The following HOGA1 variants were observed in gnomAD, a reference collection of about 807,000 sequenced individuals.
The protein encoded by HOGA1 is 4-hydroxy-2-oxoglutarate aldolase 1, also known as 4-hydroxy-2-oxoglutarate aldolase, mitochondrial.
HOGA1 carries 30 observed loss-of-function variants against 34.3 expected under a neutral mutation model. The ratio of observed to expected loss-of-function variants is 0.87; its 90% CI spans 0.65 to 1.19. The LOEUF is 1.19. Ranked by LOEUF, HOGA1 falls within the 50% of genes most tolerant of loss-of-function variation. The probability of loss-of-function intolerance (pLI) is 0.00; values close to 1 mark genes in which losing one functional copy is unlikely to be tolerated. For synonymous variants in HOGA1, 161 were observed against 174.0 expected (o/e 0.93, Z 0.59); for missense variants, 417 against 436.5 (o/e 0.96, Z 0.40).
intron 6 of HOGA1, 110 bp downstream of exon 6, chr10:97,602,100 G>A: frequency 1.9e-6 from 3 of 1,550,520 alleles, no homozygotes; most frequent in Non-Finnish European, 2.6e-6. Context: ...CTTCCTTTCA[G>A]AAAATCCTTT....
At chr10:97,597,932 AGAGT>A (rs2041083968) in intron 1 of HOGA1, among the ~76,000 whole-genome samples, 1 of 152,232 alleles carries the variant, frequency 6.6e-6, no homozygotes, top group African/African-American at 2.4e-5. Flanking sequence ...CCTGGGTGAC[AGAGT>A]GAGACCCTCA....
At chr10:97,600,334 C>A (rs1024511389) in intron 5 of HOGA1, 171 bp downstream of exon 5, 2 of 673,346 alleles carry the variant, frequency 3.0e-6, no homozygotes, top group Non-Finnish European at 2.7e-6. Flanking sequence ...TGTCTGAATT[C>A]GGGATGCTGT....
intron 6 of HOGA1, chr10:97,602,494 G>A (rs2041126978): frequency 1.0e-6 from 1 of 985,276 alleles, no homozygotes; most frequent in Non-Finnish European, 1.2e-6. Flanking sequence ...TGTTGGGCAA[G>A]CAAAGGAGAA....
chr10:97,601,780 A>C, intron 5 of HOGA1, 77 bp from the exon 6 acceptor site: 4 of 1,551,982 alleles, frequency 2.6e-6, no homozygotes, highest in Non-Finnish European at 3.6e-6. Context: ...CCCAGGCTGA[A>C]GAGGTGCTGG....
intron 1 of HOGA1, among the ~76,000 whole-genome samples, chr10:97,588,424 T>C (rs917292296): frequency 6.6e-6 from 1 of 152,110 alleles, no homozygotes; most frequent in Admixed American, 6.5e-5. Context: ...TTAGCCAGGA[T>C]GGTCTCAATC....
At chr10:97,604,298 T>A (rs2041141624) in intron 6 of HOGA1, among the ~76,000 whole-genome samples, 1 of 152,158 alleles carries the variant, frequency 6.6e-6, no homozygotes, top group East Asian at 1.9e-4. Context: ...TAGGATACCA[T>A]GGTATTGCCG....
intron 4 of HOGA1, 24 bp downstream of exon 4, chr10:97,599,838 TG>T: frequency 1.1e-5 from 18 of 1,614,156 alleles, no homozygotes; most frequent in Non-Finnish European, 1.4e-5. Flanking sequence ...GCTCCGGGGC[TG>T]GGGTCCTCTC....
At chr10:97,608,524 G>C (rs1227316576) in intron 6 of HOGA1, among the ~76,000 whole-genome samples, 1 of 151,702 alleles carries the variant, frequency 6.6e-6, no homozygotes, top group East Asian at 1.9e-4. Context: ...ACTTATTTTG[G>C]CTGGGCACGG....
At chr10:97,606,466 C>T (rs908102645) in intron 6 of HOGA1, among the ~76,000 whole-genome samples, 11 of 151,768 alleles carry the variant, frequency 7.2e-5, no homozygotes, top group Non-Finnish European at 1.5e-4. Flanking sequence ...TTTTTTTTCC[C>T]TAATGGATAT....
chr10:97,595,136 A>G (rs147681311), intron 1 of HOGA1, among the ~76,000 whole-genome samples: 23 of 152,308 alleles, frequency 1.5e-4, no homozygotes, highest in Middle Eastern at 3.4e-3. Context: ...CCCAGCTCCC[A>G]GAGCAGCAAG....
intron 1 of HOGA1, chr10:97,589,866 G>A (rs769018488): frequency 1.4e-5 from 22 of 1,562,194 alleles, no homozygotes; most frequent in Non-Finnish European, 1.8e-5. Flanking sequence ...GTGGTGCTGG[G>A]GACTGCCCTC....
chr10:97,604,613 G>A (rs1256117266), intron 6 of HOGA1, among the ~76,000 whole-genome samples: 7 of 151,218 alleles, frequency 4.6e-5, no homozygotes, highest in Non-Finnish European at 1.5e-5. Context: ...GAGCCACCAC[G>A]GCTGGCCCCC....
At chr10:97,596,708 C>CAAAAAAAAAAAAAAAAAA (rs34186645) in intron 1 of HOGA1, among the ~76,000 whole-genome samples, 1 of 89,350 alleles carries the variant, frequency 1.1e-5, no homozygotes, top group Non-Finnish European at 2.5e-5. Flanking sequence ...AAATAACTAC[C>CAAAAAAAAAAAAAAAAAA]AAAAAAAAAA....
intron 5 of HOGA1, 138 bp downstream of exon 5, chr10:97,600,301 GAA>G: frequency 1.3e-6 from 1 of 762,328 alleles, no homozygotes; most frequent in South Asian, 1.4e-5. Flanking sequence ...TGAAAACTCA[GAA>G]ACCTGGCCAC....
At chr10:97,591,622 T>C (rs1296621679) in intron 1 of HOGA1, among the ~76,000 whole-genome samples, 4 of 151,934 alleles carry the variant, frequency 2.6e-5, no homozygotes, top group Admixed American at 2.6e-4. Context: ...TTTTTCTTGT[T>C]TTTTATGTAT....
rs149150736 is a variant in HOGA1 at position 97,611,582 on chromosome 10, C to T, written c.907C>T (p.Arg303Cys). The change falls in exon 7 of 7, where the codon CGC (arginine) becomes TGC (cysteine). Residue 303 changes from arginine (R) to cysteine (C), a missense_variant. Coordinates refer to ENST00000370646, the MANE Select transcript of HOGA1 (RefSeq NM_138413.4). ...GTTTGGCTACTATGGAGGCCCCTGCCGCGCCCCCTTGCAGGAGCTGAGCCC... is the reference window on the plus strand; with the variant it reads ...GTTTGGCTACTATGGAGGCCCCTGCTGCGCCCCCTTGCAGGAGCTGAGCCC... ...DWFGYYGGPC[R>C]APLQELSPAE... The T allele has an allele frequency of 3.3e-5, 53 of 1,614,092 alleles. No homozygotes were observed. The highest frequency in any genetic ancestry group is 7.7e-5 in the South Asian group (7 of 91,096).
chr10:97,590,839 T>A, intron 1 of HOGA1: 1 of 533,344 alleles, frequency 1.9e-6, no homozygotes, highest in Non-Finnish European at 3.4e-6. Context: ...CTGAGGCCCC[T>A]GAAGACCCAC....
At position 97,602,008 on chromosome 10, in the gene HOGA1, G is replaced by A; in HGVS notation, c.834+18G>A. The A allele has an allele frequency of 1.2e-5, 20 of 1,606,118 alleles. No homozygotes were observed. The highest frequency in any genetic ancestry group is 2.7e-5 in the African/African-American group (2 of 74,986). On this transcript the variant is annotated intron_variant, in intron 6 of 6. Transcript: ENST00000370646. ...ACGCTGCGGTGAGCCAGTGGCAGCG[G>A]GGGCGCGGCCTGGCGGGGGGTGGGC...
intron 6 of HOGA1, among the ~76,000 whole-genome samples, chr10:97,610,155 A>C (rs1357870728): frequency 6.6e-6 from 1 of 152,220 alleles, no homozygotes; most frequent in East Asian, 1.9e-4. Flanking sequence ...TTTATTCTGT[A>C]ATATTCCATA....
Sources: allele counts gnomAD v4.1 joint callset (sites outside exome capture counted in the v4.1 genomes callset), GRCh38; gene constraint gnomAD v4.1.1; transcripts MANE v1.5; gene names NCBI Gene and HGNC (gene_info 2026-07-23, HGNC 2026-07-21).